Variants in ARFGEF3 observed in about 807,000 individuals in gnomAD.
The protein encoded by ARFGEF3 is brefeldin A-inhibited guanine nucleotide-exchange protein 3.
ARFGEF3 carries 96 observed loss-of-function variants against 221.7 expected under a neutral mutation model. The ratio of observed to expected loss-of-function variants is 0.43; its 90% CI spans 0.37 to 0.51. The LOEUF (loss-of-function observed/expected upper bound fraction) is 0.51, where lower values mean the gene tolerates loss of function less well. ARFGEF3 is among the 20% of genes least tolerant of loss of function. ARFGEF3 has a pLI of 0.00. For missense variants in ARFGEF3, 2,410 were observed against 2,789.9 expected (o/e 0.86, Z 3.07); for synonymous variants, 1,145 against 1,126.8 (o/e 1.02, Z -0.32).
At position 138,176,046 on chromosome 6, in the gene ARFGEF3, A is replaced by G. The variant is rs192994227; in HGVS notation, c.137+5333A>G. ...TGATTTAAAGTCTGTTTTATCTGACATAAGTATAGTGATTCCTGCTTACTT... is the reference window on the plus strand; with the variant it reads ...TGATTTAAAGTCTGTTTTATCTGACGTAAGTATAGTGATTCCTGCTTACTT... On this transcript the variant is annotated intron_variant, in intron 2 of 33. Coordinates refer to ENST00000251691, the MANE Select transcript of ARFGEF3 (RefSeq NM_020340.5). Among the ~76,000 whole-genome samples the G allele has an allele frequency of 2.4e-4, 37 of 152,316 alleles. 1 individual carries two copies. Among genetic ancestry groups the G allele is most frequent in the East Asian group, 7.7e-4 (4 of 5,192 alleles).
At chr6:138,278,187 G>T (rs1403837022) in intron 12 of ARFGEF3, among the ~76,000 whole-genome samples, 1 of 152,182 alleles carries the variant, frequency 6.6e-6, no homozygotes. Flanking sequence ...GACTTACAGG[G>T]TTTACATGAG....
chr6:138,196,651 A>T (rs1777429396), intron 2 of ARFGEF3, among the ~76,000 whole-genome samples: 2 of 152,296 alleles, frequency 1.3e-5, no homozygotes, highest in Admixed American at 1.3e-4. Flanking sequence ...ATTTATTTTT[A>T]AAATGTTGTT....
intron 2 of ARFGEF3, among the ~76,000 whole-genome samples, chr6:138,176,974 A>G (rs1185661126): frequency 6.6e-6 from 1 of 151,922 alleles, no homozygotes; most frequent in African/African-American, 2.4e-5. Flanking sequence ...TCTGCTGAGA[A>G]ATCCACTGTT....
chr6:138,286,339 A>G (rs1247937751), intron 15 of ARFGEF3, among the ~76,000 whole-genome samples: 1 of 151,746 alleles, frequency 6.6e-6, no homozygotes, highest in Non-Finnish European at 1.5e-5. Context: ...AGTCCCAGCT[A>G]CTCAGGAGGC....
At chr6:138,323,620 AAACAAC>A (rs200863305) in intron 29 of ARFGEF3, 45 bp from the exon 30 acceptor site, 111 of 1,560,520 alleles carry the variant, frequency 7.1e-5, no homozygotes, top group South Asian at 4.0e-4. Flanking sequence ...TGAAAAAAAC[AAACAAC>A]AACAACAACA....
At chr6:138,316,262 C>T (rs1253851184) in intron 26 of ARFGEF3, among the ~76,000 whole-genome samples, 1 of 152,090 alleles carries the variant, frequency 6.6e-6, no homozygotes, top group African/African-American at 2.4e-5. Flanking sequence ...CATAGTAAAT[C>T]AGAACAAAAA....
In ARFGEF3 at chr6:138,172,247, A is replaced by G. The variant is rs145923288; in HGVS notation, c.137+1534A>G. On this transcript the variant is annotated intron_variant, in intron 2 of 33. Transcript: ENST00000251691. ...ACATAGGAGGATGTGAGGACTTTCTATGAGCTGTGAAGGCATGGATAGTTT... is the reference window on the plus strand; with the variant it reads ...ACATAGGAGGATGTGAGGACTTTCTGTGAGCTGTGAAGGCATGGATAGTTT... 3.2e-3 allele frequency among the ~76,000 whole-genome samples: 490 copies of G among 152,332 alleles called. 2 individuals carry two copies. The highest frequency in any genetic ancestry group is 0.01 in the African/African-American group (420 of 41,584).
At chr6:138,317,990 A>G (rs1349211655) in intron 27 of ARFGEF3, among the ~76,000 whole-genome samples, 5 of 152,146 alleles carry the variant, frequency 3.3e-5, no homozygotes, top group Non-Finnish European at 7.4e-5. Context: ...ATACATGCCA[A>G]TTTCTCAAGA....
In ARFGEF3 at chr6:138,180,090, G is replaced by A. The variant is rs145775015; in HGVS notation, c.137+9377G>A. ...AGCCTCCCAAAGTGTTGGAGTTACA[G>A]GTGTGAACCACCAATGCCTATCAGT... On this transcript the variant is annotated intron_variant, in intron 2 of 33. Coordinates refer to ENST00000251691, the MANE Select transcript of ARFGEF3 (RefSeq NM_020340.5). 7.1e-4 allele frequency among the ~76,000 whole-genome samples: 108 copies of A among 152,316 alleles called. 2 individuals are homozygous for A. In the East Asian group the frequency reaches 0.012, roughly 17 times the overall value.
At chr6:138,167,054 G>A (rs192865847) in intron 1 of ARFGEF3, among the ~76,000 whole-genome samples, 4 of 152,188 alleles carry the variant, frequency 2.6e-5, no homozygotes, top group Admixed American at 6.5e-5. Flanking sequence ...ACAGCCATTC[G>A]GCTGGCAGAC....
In ARFGEF3 at chr6:138,307,302, A is replaced by C; in HGVS notation, c.3878A>C (p.Gln1293Pro). ...ELVEVCSTQI[Q>P]SGWRPLFSAL... ...GTTGAAGTGTGTTCCACGCAGATCCAGTCGGGATGGAGACCCTTGTTCAGT... is the reference window on the plus strand; with the variant it reads ...GTTGAAGTGTGTTCCACGCAGATCCCGTCGGGATGGAGACCCTTGTTCAGT... Residue 1293 changes from glutamine to proline, a missense_variant, in exon 23 of 34, where the codon CAG (glutamine) becomes CCG (proline). By Grantham distance (76) the Gln-to-Pro change is moderately conservative (BLOSUM62 -1). This residue lies in a region of ARFGEF3 where 723 missense variants were observed against 991.9 expected (regional missense o/e 0.73). Transcript: ENST00000251691. The C allele has an allele frequency of 6.2e-7, 1 of 1,614,046 alleles. No individual in the cohort carries two copies. Among genetic ancestry groups the C allele is most frequent in the Admixed American group, 1.7e-5 (1 of 60,030 alleles).
chr6:138,219,581 G>A (rs1284264357), intron 4 of ARFGEF3, among the ~76,000 whole-genome samples: 1 of 152,200 alleles, frequency 6.6e-6, no homozygotes, highest in Non-Finnish European at 1.5e-5. Context: ...GTGGCTGAGT[G>A]CACTGACCTG....
At chr6:138,196,015 GAA>G (rs34299963) in intron 2 of ARFGEF3, among the ~76,000 whole-genome samples, 1 of 147,678 alleles carries the variant, frequency 6.8e-6, no homozygotes, top group African/African-American at 2.5e-5. Flanking sequence ...AAAAAGAAAA[GAA>G]AAAAAAAGAT....
intron 2 of ARFGEF3, among the ~76,000 whole-genome samples, chr6:138,172,561 T>C (rs1034748630): frequency 6.6e-6 from 1 of 152,220 alleles, no homozygotes; most frequent in Non-Finnish European, 1.5e-5. Flanking sequence ...TTTCAAGTTA[T>C]GTAGTTTTAA....
At chr6:138,230,752 C>T (rs966848967) in intron 5 of ARFGEF3, among the ~76,000 whole-genome samples, 2 of 152,196 alleles carry the variant, frequency 1.3e-5, no homozygotes, top group Non-Finnish European at 2.9e-5. Flanking sequence ...GCTGACCTCT[C>T]ATTACAATAC....
intron 3 of ARFGEF3, among the ~76,000 whole-genome samples, chr6:138,209,691 G>A (rs561024552): frequency 3.3e-5 from 5 of 151,874 alleles, no homozygotes; most frequent in East Asian, 1.9e-4. Flanking sequence ...CTCATGACCC[G>A]CCCACCTCAG....
intron 6 of ARFGEF3, among the ~76,000 whole-genome samples, chr6:138,242,246 G>A (rs986312119): frequency 7.2e-5 from 11 of 152,208 alleles, no homozygotes. Context: ...GGAGAATAAA[G>A]TGCCACCTTC....
intron 10 of ARFGEF3, 65 bp downstream of exon 10, chr6:138,255,834 GAA>G (rs1281508157): frequency 1.5e-6 from 2 of 1,328,754 alleles, no homozygotes; most frequent in Non-Finnish European, 2.0e-6. Flanking sequence ...TCGCATACAA[GAA>G]GCGCTCAGAA....
At chr6:138,203,939 C>A (rs1777582801) in intron 2 of ARFGEF3, among the ~76,000 whole-genome samples, 1 of 152,110 alleles carries the variant, frequency 6.6e-6, no homozygotes, top group African/African-American at 2.4e-5. Flanking sequence ...CCATACCCGG[C>A]CAATGCATTT....
Sources: allele counts gnomAD v4.1 joint callset (sites outside exome capture counted in the v4.1 genomes callset), GRCh38; gene constraint gnomAD v4.1.1; regional missense constraint gnomAD v4.1.1; transcripts MANE v1.5; gene names NCBI Gene and HGNC (gene_info 2026-07-23, HGNC 2026-07-21).